DAB1: variants seen among roughly 807,000 people sequenced by gnomAD.
DAB1 encodes the protein disabled homolog 1.
DAB1 carries 15 observed loss-of-function variants against 64.6 expected under a neutral mutation model. That is an observed-to-expected ratio of 0.23 (90% CI 0.16 to 0.36). The LOEUF (loss-of-function observed/expected upper bound fraction) is 0.36. Ranked by LOEUF, DAB1 falls within the 10% of genes least tolerant of loss-of-function variation. DAB1 has a pLI of 1.00. For missense variants in DAB1, 596 were observed against 706.7 expected (o/e 0.84, Z 1.78); for synonymous variants, 235 against 251.9 (o/e 0.93, Z 0.64).
intron 6 of DAB1, among the ~76,000 whole-genome samples, chr1:57,667,616 T>G (rs1425086706): frequency 1.3e-5 from 2 of 152,108 alleles, no homozygotes; most frequent in East Asian, 3.9e-4. Context: ...AGAGTAGTGC[T>G]ATCCTGTATA....
chr1:58,281,955 T>C (rs576740122), intron 4 of DAB1, among the ~76,000 whole-genome samples: 1 of 152,142 alleles, frequency 6.6e-6, no homozygotes, highest in South Asian at 2.1e-4. Context: ...GTCATCATCA[T>C]TGTTATCATC....
chr1:57,836,909 T>G lies in DAB1; in HGVS notation n.88-10454A>C, dbSNP rs551340749. ...TCATCACGGCCCCCTAGACATGCTT[T>G]GCTCTCAGCGTCTCCATCTCAGAGA... On this transcript the variant is annotated intron_variant and non_coding_transcript_variant, in intron 1 of 1. Coordinates refer to the DAB1 transcript ENST00000477280. 2.6e-5 allele frequency among the ~76,000 whole-genome samples: 4 copies of G among 152,324 alleles called. No individual in the cohort carries two copies. In the South Asian group the frequency reaches 6.2e-4, roughly 24 times the overall value.
At chr1:57,598,876 C>A (rs1570661354) in intron 7 of DAB1, among the ~76,000 whole-genome samples, 1 of 152,178 alleles carries the variant, frequency 6.6e-6, no homozygotes. Context: ...AGGTCAGCTT[C>A]ACCAATTCCT....
At chr1:57,334,708 C>A (rs1335818579) in intron 1 of DAB1, among the ~76,000 whole-genome samples, 1 of 152,168 alleles carries the variant, frequency 6.6e-6, no homozygotes, top group Non-Finnish European at 1.5e-5. Flanking sequence ...TATGGTAACT[C>A]CTACTCACAA....
intron 6 of DAB1, among the ~76,000 whole-genome samples, chr1:57,786,498 C>T (rs1250248737): frequency 6.6e-6 from 1 of 152,104 alleles, no homozygotes; most frequent in East Asian, 1.9e-4. Flanking sequence ...GGAAGTTTAT[C>T]AAAATTAGCT....
chr1:57,678,255 A>C (rs192577012), intron 6 of DAB1, among the ~76,000 whole-genome samples: 1 of 152,212 alleles, frequency 6.6e-6, no homozygotes, highest in African/African-American at 2.4e-5. Flanking sequence ...ATATTGTGAG[A>C]GGCATTGCAG....
intron 4 of DAB1, among the ~76,000 whole-genome samples, chr1:57,125,805 G>C (rs1657082515): frequency 6.6e-6 from 1 of 152,168 alleles, no homozygotes; most frequent in Non-Finnish European, 1.5e-5. Context: ...CACCAGAAGA[G>C]GTGGTGGAGA....
intron 4 of DAB1, among the ~76,000 whole-genome samples, chr1:57,090,112 G>A (rs1300907293): frequency 6.6e-6 from 1 of 152,162 alleles, no homozygotes; most frequent in Non-Finnish European, 1.5e-5. Flanking sequence ...AGAATGCAAT[G>A]AGGGACAAAG....
intron 7 of DAB1, among the ~76,000 whole-genome samples, chr1:57,570,111 GAGTCAGTCGGCCGGGAAAGGC>G (rs1250370434): frequency 6.6e-6 from 1 of 152,136 alleles, no homozygotes; most frequent in Non-Finnish European, 1.5e-5. Context: ...ATTAACATTT[GAGTCAGTCGGCCGGGAAAGGC>G]AGACCCACCC....
chr1:57,240,968 A>G (rs1455174030), intron 2 of DAB1, among the ~76,000 whole-genome samples: 1 of 152,176 alleles, frequency 6.6e-6, no homozygotes, highest in Non-Finnish European at 1.5e-5. Context: ...CTAGCTATGC[A>G]TATCTGCTCA....
At chr1:57,422,341 ACTGGAGCATCCAGCTCGCAGGAGGG>A (rs1269019577) in intron 1 of DAB1, among the ~76,000 whole-genome samples, 1 of 152,178 alleles carries the variant, frequency 6.6e-6, no homozygotes. Flanking sequence ...TAGGAGCTGC[ACTGGAGCATCCAGCTCGCAGGAGGG>A]CTCGCCCCCG....
chr1:57,226,672 A>AAAAAAAAAAT (rs747021990), intron 2 of DAB1, among the ~76,000 whole-genome samples: 2 of 136,016 alleles, frequency 1.5e-5, no homozygotes, highest in African/African-American at 6.2e-5. Flanking sequence ...TTAAAAAAAA[A>AAAAAAAAAAT]ATATATATAT....
intron 5 of DAB1, among the ~76,000 whole-genome samples, chr1:57,995,258 G>A (rs1052519038): frequency 6.6e-6 from 1 of 152,154 alleles, no homozygotes; most frequent in African/African-American, 2.4e-5. Context: ...TGAGAGAAGA[G>A]CAAAAAGTTG....
intron 7 of DAB1, among the ~76,000 whole-genome samples, chr1:57,619,257 G>A (rs147826297): frequency 3.5e-4 from 54 of 152,198 alleles, no homozygotes; most frequent in African/African-American, 1.1e-3. Flanking sequence ...ACAAAACCTC[G>A]CTTAAGGAGA....
intron 5 of DAB1, among the ~76,000 whole-genome samples, chr1:58,002,667 GTATA>G (rs138608788): frequency 6.1e-5 from 9 of 148,612 alleles, no homozygotes; most frequent in African/African-American, 2.2e-4. Flanking sequence ...AACACAAGGT[GTATA>G]TATATATATA....
chr1:57,573,195 C>T (rs1225340362), intron 7 of DAB1, among the ~76,000 whole-genome samples: 1 of 152,112 alleles, frequency 6.6e-6, no homozygotes, highest in Non-Finnish European at 1.5e-5. Flanking sequence ...TCAAGGGATC[C>T]TCCCGCCTCA....
chr1:57,225,530 T>C (rs1220499462), intron 2 of DAB1, among the ~76,000 whole-genome samples: 1 of 152,154 alleles, frequency 6.6e-6, no homozygotes, highest in Non-Finnish European at 1.5e-5. Flanking sequence ...CTGACTTCAG[T>C]TCTGCTCAAT....
intron 1 of DAB1, among the ~76,000 whole-genome samples, chr1:57,871,439 C>T (rs766115302): frequency 6.6e-6 from 1 of 152,054 alleles, no homozygotes; most frequent in Non-Finnish European, 1.5e-5. Context: ...ATTATCTTTC[C>T]GAAGATCACA....
chr1:57,609,643 T>C (rs1398109456), intron 7 of DAB1, among the ~76,000 whole-genome samples: 1 of 152,244 alleles, frequency 6.6e-6, no homozygotes, highest in African/African-American at 2.4e-5. Flanking sequence ...TCAGGATAGA[T>C]AGTCGCTGGT....
Sources: gnomAD v4.1 joint callset for allele counts (sites outside exome capture counted in the v4.1 genomes callset) on GRCh38, gnomAD v4.1.1 for gene constraint, MANE v1.5 for transcripts, NCBI Gene and HGNC (gene_info 2026-07-23, HGNC 2026-07-21) for gene names.